The following CLASP2 variants were observed in gnomAD, a reference collection of about 807,000 sequenced individuals.
CLASP2 encodes CLIP-associating protein 2.
CLASP2 carries 47 observed loss-of-function variants against 194.4 expected under a neutral mutation model. The ratio of observed to expected loss-of-function variants is 0.24; its 90% CI spans 0.19 to 0.31. The LOEUF is 0.31. Among genes scored for constraint, CLASP2 ranks in the 10% least tolerant of loss-of-function variants. The probability of loss-of-function intolerance (pLI) is 1.00; values close to 1 mark genes in which losing one functional copy is unlikely to be tolerated. For missense variants in CLASP2, 1,445 were observed against 1,823.6 expected (o/e 0.79, Z 3.78); for synonymous variants, 619 against 633.5 (o/e 0.98, Z 0.34).
chr3:33,617,933 T>TTATATA (rs1206814946), intron 12 of CLASP2, among the ~76,000 whole-genome samples: 3 of 142,908 alleles, frequency 2.1e-5, no homozygotes, highest in African/African-American at 7.7e-5. Flanking sequence ...ATTATTATTA[T>TTATATA]TATATATATA....
At chr3:33,588,167 T>C (rs928915019) in intron 21 of CLASP2, among the ~76,000 whole-genome samples, 1 of 152,196 alleles carries the variant, frequency 6.6e-6, no homozygotes, top group African/African-American at 2.4e-5. Flanking sequence ...TCCTCTGCAA[T>C]ACTCCTGATT....
At chr3:33,590,741 T>C (rs2154234293) in intron 21 of CLASP2, among the ~76,000 whole-genome samples, 1 of 152,318 alleles carries the variant, frequency 6.6e-6, no homozygotes, top group Middle Eastern at 3.4e-3. Flanking sequence ...AAGACTTGCG[T>C]AATCACTATC....
intron 32 of CLASP2, among the ~76,000 whole-genome samples, chr3:33,541,141 G>A (rs2058284937): frequency 6.6e-6 from 1 of 152,092 alleles, no homozygotes; most frequent in South Asian, 2.1e-4. Context: ...CCACTACTGG[G>A]TATATACCCA....
intron 8 of CLASP2, among the ~76,000 whole-genome samples, chr3:33,636,845 C>G (rs2080237743): frequency 6.6e-6 from 1 of 152,210 alleles, no homozygotes; most frequent in Non-Finnish European, 1.5e-5. Flanking sequence ...AAGTGATCCA[C>G]CCACCTTGGC....
At chr3:33,586,227 C>T (rs773316458) in intron 21 of CLASP2, among the ~76,000 whole-genome samples, 5 of 151,914 alleles carry the variant, frequency 3.3e-5, no homozygotes, top group African/African-American at 7.3e-5. Context: ...TTCCGCCTCC[C>T]GGGTTCAAGT....
chr3:33,670,581 A>G (rs764802160), intron 6 of CLASP2, among the ~76,000 whole-genome samples: 3 of 152,254 alleles, frequency 2.0e-5, no homozygotes, highest in Non-Finnish European at 2.9e-5. Flanking sequence ...GTGAGGTCAC[A>G]TGGCAAACCG....
chr3:33,660,352 T>C (rs2085094510), intron 7 of CLASP2, among the ~76,000 whole-genome samples: 1 of 152,226 alleles, frequency 6.6e-6, no homozygotes, highest in Non-Finnish European at 1.5e-5. Context: ...GAGCTAATTC[T>C]ACTGCATTTA....
chr3:33,544,736 G>A lies in CLASP2; in HGVS notation c.3259C>T (p.Leu1087Phe). The A allele has an allele frequency of 2.5e-5, 41 of 1,613,236 alleles. No homozygotes were observed. Among genetic ancestry groups the A allele is most frequent in the Non-Finnish European group, 3.2e-5 (38 of 1,179,546 alleles). ...CCAGTGTTTCGAAGGTGATTATGAAGAAGCTTGGTAGCACCATCCTGAAAA... is the reference window on the plus strand; with the variant it reads ...CCAGTGTTTCGAAGGTGATTATGAAAAAGCTTGGTAGCACCATCCTGAAAA... The part of the protein sequence containing the change: ...KTFQDGATKL[L>F]HNHLRNTGNG... The change falls in exon 31 of 39, where the codon CTT (leucine) becomes TTT (phenylalanine). Residue 1087 changes from leucine (L) to phenylalanine (F), a missense_variant. Leu to Phe is a conservative substitution (Grantham distance 22). Around this residue, in one of 4 missense-constraint regions of CLASP2, gnomAD observed 732 missense variants for 987.9 expected, o/e 0.74. Transcript: ENST00000682230.
At chr3:33,699,157 C>T (rs1307986769) in intron 1 of CLASP2, among the ~76,000 whole-genome samples, 3 of 151,992 alleles carry the variant, frequency 2.0e-5, no homozygotes, top group Admixed American at 6.6e-5. Context: ...TCTGAAAATA[C>T]GTTCATACAA....
chr3:33,525,487 G>T lies in CLASP2; in HGVS notation c.3788-8313C>A, dbSNP rs573062878. On this transcript the variant is annotated intron_variant, in intron 34 of 38. Coordinates refer to ENST00000682230, the MANE Select transcript of CLASP2 (RefSeq NM_001365631.1). ...GAACAAAGAAAAGTAAGACAGGACA[G>T]CAGCCCACTAGAGAGCAACACCGAG... 2.0e-5 allele frequency among the ~76,000 whole-genome samples: 3 copies of T among 152,110 alleles called. No individual in the cohort carries two copies. The South Asian group carries it at 6.3e-4, about 32-fold the overall frequency.
chr3:33,588,782 G>T (rs756575369), intron 21 of CLASP2: 6 of 698,416 alleles, frequency 8.6e-6, no homozygotes, highest in Non-Finnish European at 1.6e-5. Context: ...TCCATGAAGA[G>T]GGAAGGAGCA....
rs1223082053 is a variant in CLASP2, at chr3:33,498,022, G to C, written c.*609C>G. The C allele has an allele frequency of 2.0e-5, 3 of 152,608 alleles. No homozygotes were observed. Among genetic ancestry groups the C allele is most frequent in the African/African-American group, 7.2e-5 (3 of 41,440 alleles). 9.5% of individuals were successfully genotyped at this position (152,608 alleles called of 1,614,324 possible). Reference sequence around the variant, plus strand: ...CAGTTTTACAGAACTGGCTGATTCTGTAACATCTGTCTTTGAGGTTTTAGT... The same window carrying C: ...CAGTTTTACAGAACTGGCTGATTCTCTAACATCTGTCTTTGAGGTTTTAGT... On this transcript the variant is annotated 3_prime_UTR_variant, in exon 39 of 39. Transcript: ENST00000682230.
chr3:33,606,467 A>G lies in CLASP2; in HGVS notation c.1694+124T>C, dbSNP rs534697561. 13 of 695,758 alleles carry G rather than the reference A, an allele frequency of 1.9e-5. No homozygotes were observed. The South Asian group carries it at 2.6e-4, about 14-fold the overall frequency. The allele number at this position is 695,758 out of a possible 1,614,324, so 43.1% of individuals were successfully genotyped here. ...ACAGTAGACCAAAATAAATAAGTGT[A>G]TTAGAGTTACCATTCTTTCAAGGCT... On this transcript the variant is annotated intron_variant, in intron 16 of 38. Transcript: ENST00000682230.
rs750153378 is a variant in CLASP2, at chr3:33,592,402, T to A, written c.2061A>T (p.Gln687His). 1.9e-6 allele frequency: 3 copies of A among 1,610,682 alleles called. No homozygotes were observed. In the African/African-American group the frequency reaches 4.0e-5, roughly 22 times the overall value. Reference sequence around the variant, plus strand: ...CTGATAAGCAATACATACGCTGTGATTGAGACACCATTTTTGTTCGACTTC... The same window carrying A: ...CTGATAAGCAATACATACGCTGTGAATGAGACACCATTTTTGTTCGACTTC... ...RGRSRTKMVS[Q>H]SQPGSRSGSP... Residue 687 changes from glutamine to histidine, a missense_variant, in exon 21 of 39, where the codon CAA becomes CAT. Transcript: ENST00000682230.
intron 10 of CLASP2, among the ~76,000 whole-genome samples, chr3:33,623,374 C>T (rs2077434687): frequency 1.3e-5 from 2 of 152,114 alleles, no homozygotes; most frequent in Non-Finnish European, 2.9e-5. Flanking sequence ...CTTGCTCTAA[C>T]TGTATTTTTG....
At chr3:33,676,749 C>G (rs1023741837) in intron 6 of CLASP2, among the ~76,000 whole-genome samples, 2 of 152,132 alleles carry the variant, frequency 1.3e-5, no homozygotes, top group Non-Finnish European at 2.9e-5. Context: ...AAGAAACTAC[C>G]ATCAGAGTGA....
chr3:33,593,162 C>G (rs1291862198), intron 20 of CLASP2, among the ~76,000 whole-genome samples: 3 of 152,184 alleles, frequency 2.0e-5, no homozygotes, highest in Admixed American at 2.0e-4. Flanking sequence ...CTGCCTCATT[C>G]CCCTCCACAA....
At chr3:33,636,230 C>A (rs2080112202) in intron 8 of CLASP2, among the ~76,000 whole-genome samples, 1 of 152,112 alleles carries the variant, frequency 6.6e-6, no homozygotes, top group African/African-American at 2.4e-5. Context: ...TTTCACTATA[C>A]CAACAGAAGA....
intron 24 of CLASP2, among the ~76,000 whole-genome samples, chr3:33,575,164 T>C (rs999481722): frequency 6.6e-6 from 1 of 152,142 alleles, no homozygotes; most frequent in Admixed American, 6.5e-5. Context: ...ATATATCCCA[T>C]GTTGAAGAGA....
Sources: gnomAD v4.1 joint callset for allele counts (sites outside exome capture counted in the v4.1 genomes callset) on GRCh38, gnomAD v4.1.1 for gene constraint, gnomAD v4.1.1 regional missense constraint, MANE v1.5 for transcripts, NCBI Gene and HGNC (gene_info 2026-07-23, HGNC 2026-07-21) for gene names.